Variants in NPAS3 observed in about 807,000 individuals in gnomAD.
NPAS3 encodes the protein neuronal PAS domain protein 3.
A neutral mutation model predicts 73.1 loss-of-function variants in NPAS3; 14 were observed. The observed-to-expected ratio is 0.19, with a 90% confidence interval of 0.13 to 0.30. The LOEUF (loss-of-function observed/expected upper bound fraction) is 0.30. NPAS3 is among the 10% of genes least tolerant of loss of function. The probability of loss-of-function intolerance (pLI) is 1.00; values close to 1 mark genes in which losing one functional copy is unlikely to be tolerated. For synonymous variants in NPAS3, 620 were observed against 541.5 expected (o/e 1.14, Z -2.01); for missense variants, 1,096 against 1,250.0 (o/e 0.88, Z 1.86).
intron 4 of NPAS3, among the ~76,000 whole-genome samples, chr14:33,446,473 C>G (rs2049511615): frequency 6.6e-6 from 1 of 152,242 alleles, no homozygotes; most frequent in African/African-American, 2.4e-5. Context: ...CCGCGCCCGG[C>G]CACTTCATGC....
chr14:33,791,579 G>A (rs1345553726), intron 9 of NPAS3, among the ~76,000 whole-genome samples: 1 of 152,178 alleles, frequency 6.6e-6, no homozygotes, highest in Non-Finnish European at 1.5e-5. Context: ...GACCACTGGG[G>A]AGGCCAAACG....
intron 4 of NPAS3, among the ~76,000 whole-genome samples, chr14:33,471,423 T>TA (rs2050776077): frequency 6.6e-6 from 1 of 152,168 alleles, no homozygotes; most frequent in Non-Finnish European, 1.5e-5. Flanking sequence ...TGACTGTGCT[T>TA]ATGCTGAGGA....
At chr14:33,787,096 A>C (rs926366095) in intron 9 of NPAS3, among the ~76,000 whole-genome samples, 1 of 152,148 alleles carries the variant, frequency 6.6e-6, no homozygotes, top group Admixed American at 6.5e-5. Flanking sequence ...TCTATCCTTA[A>C]CTATTTTGGG....
intron 3 of NPAS3, among the ~76,000 whole-genome samples, chr14:33,248,701 T>G (rs2048474499): frequency 6.6e-6 from 1 of 152,228 alleles, no homozygotes; most frequent in South Asian, 2.1e-4. Flanking sequence ...TTTTTCCCAC[T>G]GTGATTGGTT....
At chr14:33,717,180 G>A (rs1390250933) in intron 6 of NPAS3, among the ~76,000 whole-genome samples, 1 of 139,694 alleles carries the variant, frequency 7.2e-6, no homozygotes, top group Non-Finnish European at 1.5e-5. Flanking sequence ...AATTATGTAA[G>A]TTTGTTGAAT....
At chr14:33,129,263 G>A (rs2043546281) in intron 2 of NPAS3, among the ~76,000 whole-genome samples, 1 of 152,086 alleles carries the variant, frequency 6.6e-6, no homozygotes, top group African/African-American at 2.4e-5. Flanking sequence ...AATGAAAATA[G>A]GGCATTAAGG....
At chr14:33,183,973 G>T (rs2045895253) in intron 2 of NPAS3, among the ~76,000 whole-genome samples, 1 of 152,080 alleles carries the variant, frequency 6.6e-6, no homozygotes. Flanking sequence ...ACTCTCATTT[G>T]TAATGACTTG....
intron 4 of NPAS3, among the ~76,000 whole-genome samples, chr14:33,369,404 CAAAAAA>C (rs3058296): frequency 4.1e-4 from 37 of 90,948 alleles, no homozygotes; most frequent in South Asian, 1.1e-3. Flanking sequence ...GCCTCATTTC[CAAAAAA>C]AAAAAAAAAA....
intron 3 of NPAS3, among the ~76,000 whole-genome samples, chr14:33,261,092 CTTTT>C (rs776901674): frequency 3.3e-4 from 50 of 152,208 alleles, no homozygotes; most frequent in Admixed American, 7.9e-4. Context: ...TCTTTCCTTT[CTTTT>C]GTTTATTTCA....
At chr14:33,504,317 T>C (rs541735349) in intron 4 of NPAS3, among the ~76,000 whole-genome samples, 1 of 152,088 alleles carries the variant, frequency 6.6e-6, no homozygotes, top group East Asian at 2.0e-4. Context: ...TAGCAGAAGG[T>C]TTTATATTGC....
chr14:33,232,225 T>C (rs746314633), intron 3 of NPAS3, among the ~76,000 whole-genome samples: 7 of 152,162 alleles, frequency 4.6e-5, no homozygotes, highest in Admixed American at 6.6e-5. Flanking sequence ...CATAAACTTC[T>C]CTCTAGACAT....
intron 5 of NPAS3, among the ~76,000 whole-genome samples, chr14:33,595,266 T>G (rs545242382): frequency 6.6e-6 from 1 of 152,184 alleles, no homozygotes; most frequent in Non-Finnish European, 1.5e-5. Flanking sequence ...ATTGTGGTAC[T>G]TAATTAATGA....
chr14:33,408,636 G>A (rs921861953), intron 4 of NPAS3, among the ~76,000 whole-genome samples: 4 of 152,078 alleles, frequency 2.6e-5, no homozygotes, highest in Admixed American at 2.6e-4. Flanking sequence ...AATGTAACTC[G>A]TGTTCTTATT....
intron 4 of NPAS3, among the ~76,000 whole-genome samples, chr14:33,504,065 G>A (rs895009196): frequency 1.3e-5 from 2 of 151,860 alleles, no homozygotes; most frequent in Non-Finnish European, 2.9e-5. Flanking sequence ...CCGCACATAG[G>A]GTGTTGGCCA....
chr14:33,753,407 A>C (rs1473400702), intron 7 of NPAS3, among the ~76,000 whole-genome samples: 1 of 151,962 alleles, frequency 6.6e-6, no homozygotes, highest in Non-Finnish European at 1.5e-5. Context: ...ATTGCTCAAA[A>C]GAACATTCCC....
At chr14:33,284,617 A>G (rs1776986774) in intron 3 of NPAS3, among the ~76,000 whole-genome samples, 1 of 152,180 alleles carries the variant, frequency 6.6e-6, no homozygotes, top group Admixed American at 6.5e-5. Context: ...TACCTTCAAA[A>G]TGATTTTTTT....
At chr14:33,490,942 C>G (rs1002060718) in intron 4 of NPAS3, among the ~76,000 whole-genome samples, 1 of 152,150 alleles carries the variant, frequency 6.6e-6, no homozygotes, top group African/African-American at 2.4e-5. Context: ...CCCTAGCCCA[C>G]AAAGCAAAAA....
intron 4 of NPAS3, among the ~76,000 whole-genome samples, chr14:33,527,650 A>T (rs1355678944): frequency 1.3e-5 from 2 of 152,188 alleles, no homozygotes; most frequent in Non-Finnish European, 2.9e-5. Flanking sequence ...CAGGATTTAT[A>T]TATGAAGTAT....
Position 33,800,540 on chromosome 14 carries a change from G to A in NPAS3, c.2233G>A (p.Asp745Asn), listed in dbSNP as rs1181175650. The change falls in exon 12 of 12, where the codon GAC becomes AAC. Residue 745 changes from aspartate to asparagine, a missense_variant. By Grantham distance (23) the Asp-to-Asn change is conservative. Around this residue, in one of 5 missense-constraint regions of NPAS3, gnomAD observed 698 missense variants for 676.7 expected, o/e 1.03. Coordinates refer to ENST00000356141, the Ensembl canonical transcript of NPAS3. The surrounding 1 kb of genome is among the most constrained non-coding windows in gnomAD (Gnocchi z 6.5). ...CGCGGCCCTGGCCCCCGTCGCCTCC[G>A]ACCCGCTGTCACCCCCGCTCTCGGC... 2.1e-5 allele frequency: 28 copies of A among 1,362,382 alleles called. No homozygotes were observed. The highest frequency in any genetic ancestry group is 3.1e-5 in the African/African-American group (2 of 64,518). 84.4% of individuals were successfully genotyped at this position (1,362,382 alleles called of 1,614,324 possible).
Sources: allele counts gnomAD v4.1 joint callset (sites outside exome capture counted in the v4.1 genomes callset), GRCh38; gene constraint gnomAD v4.1.1; regional missense constraint gnomAD v4.1.1; non-coding constraint Gnocchi (gnomAD v3.1); transcripts MANE v1.5; gene names NCBI Gene and HGNC (gene_info 2026-07-23, HGNC 2026-07-21).